Variants in DAB2IP observed in about 807,000 individuals in gnomAD.
DAB2IP encodes the protein DAB2 interacting protein.
A neutral mutation model predicts 107.2 loss-of-function variants in DAB2IP; 28 were observed. The ratio of observed to expected loss-of-function variants is 0.26; its 90% confidence interval spans 0.19 to 0.36. The LOEUF is 0.36. Ranked by LOEUF, DAB2IP falls within the 10% of genes least tolerant of loss-of-function variation. The pLI, the probability that DAB2IP is intolerant of heterozygous loss-of-function variation, is 1.00. For missense variants in DAB2IP, 1,400 were observed against 1,644.7 expected, an observed-to-expected ratio of 0.85 and a Z score of 2.57; for synonymous variants, 755 against 706.4, an observed-to-expected ratio of 1.07 and a Z score of -1.09.
chr9:121,695,499 G>T (rs1829374411), intron 2 of DAB2IP, among the ~76,000 whole-genome samples: 1 of 152,160 alleles, frequency 6.6e-6, no homozygotes, highest in African/African-American at 2.4e-5. Flanking sequence ...GTTCAGAGAG[G>T]TCCAGTAATC....
At chr9:121,567,377 T>G (rs1589363634) in intron 1 of DAB2IP, 1 of 1,184,252 alleles carries the variant, frequency 8.4e-7, no homozygotes, top group East Asian at 2.4e-5. Context: ...TGGGCATGGG[T>G]GCGTTGGGCT....
intron 3 of DAB2IP, among the ~76,000 whole-genome samples, chr9:121,752,312 A>AT (rs1241463693): frequency 6.7e-6 from 1 of 148,758 alleles, no homozygotes; most frequent in African/African-American, 2.6e-5. Context: ...AGGGAGGGCT[A>AT]TCCCTATCCC....
rs1328133511 is a variant in DAB2IP at position 121,633,582 on chromosome 9, G to A, written c.41-45096G>A. On this transcript the variant is annotated intron_variant, in intron 1 of 16. Coordinates refer to the DAB2IP transcript ENST00000259371. This position sits in a 1 kb window ranked among gnomAD's most constrained non-coding sequence, Gnocchi z 5.1. ...CTGGAATGGGCTGCTCTGGGAACTC[G>A]AGGAGACTCTTTTCATTAGGCTTTT... 1.3e-5 allele frequency among the ~76,000 whole-genome samples: 2 copies of A among 152,184 alleles called. No individual in the cohort carries two copies. Among genetic ancestry groups the A allele is most frequent in the East Asian group, 1.9e-4 (1 of 5,204 alleles).
At chr9:121,747,504 C>A (rs1832800482) in intron 3 of DAB2IP, among the ~76,000 whole-genome samples, 1 of 152,124 alleles carries the variant, frequency 6.6e-6, no homozygotes, top group African/African-American at 2.4e-5. Context: ...CCCGCCATCA[C>A]GCCCAGCTAA....
chr9:121,768,692 C>T (rs541878786), intron 10 of DAB2IP, 59 bp downstream of exon 10: 56 of 1,597,076 alleles, frequency 3.5e-5, no homozygotes, highest in Middle Eastern at 2.2e-4. Context: ...TTTTAGTGTT[C>T]CCCCTTCCAG....
intron 2 of DAB2IP, among the ~76,000 whole-genome samples, chr9:121,681,593 C>G (rs563883050): frequency 6.6e-6 from 1 of 152,240 alleles, no homozygotes; most frequent in Non-Finnish European, 1.5e-5. Context: ...ATTAGTGTGC[C>G]CATTTCACAG....
intron 1 of DAB2IP, among the ~76,000 whole-genome samples, chr9:121,676,739 A>C (rs1434232237): frequency 6.6e-6 from 1 of 152,182 alleles, no homozygotes; most frequent in African/African-American, 2.4e-5. Context: ...AAAGCGAGGC[A>C]AGAGCTGGAA....
intron 1 of DAB2IP, among the ~76,000 whole-genome samples, chr9:121,674,173 C>T (rs1344711143): frequency 3.3e-5 from 5 of 152,174 alleles, no homozygotes. Flanking sequence ...TGGGACCTTC[C>T]GTGGAGGAGG....
In DAB2IP at chr9:121,699,429, CG is replaced by C; in HGVS notation, c.334del (p.Ala112ProfsTer13). ...GCCACATCCTGCCGGGGTTCCGGAG[CG>C]CCGCCGCCGCCGCCGCGGACAATGA... is the stretch of plus-strand genomic sequence containing the variant. On this transcript the variant is annotated frameshift_variant, in exon 3 of 16. Coordinates refer to ENST00000408936, the Ensembl canonical transcript of DAB2IP. LOFTEE classifies it high-confidence loss of function. The surrounding 1 kb of genome is among the most constrained non-coding windows in gnomAD (Gnocchi z 6.2). 1 of 1,397,420 alleles carries C rather than the reference CG, an allele frequency of 7.2e-7. No individual in the cohort carries two copies. The allele number at this position is 1,397,420 out of a possible 1,614,324, so 86.6% of individuals were successfully genotyped here.
intron 1 of DAB2IP, among the ~76,000 whole-genome samples, chr9:121,605,473 A>G (rs1272158580): frequency 6.6e-6 from 1 of 152,150 alleles, no homozygotes; most frequent in Non-Finnish European, 1.5e-5. Context: ...AAATGAGAAT[A>G]GCCAAATTCA....
intron 4 of DAB2IP, among the ~76,000 whole-genome samples, chr9:121,758,230 TC>T (rs1025142792): frequency 3.3e-5 from 5 of 152,092 alleles, no homozygotes; most frequent in Non-Finnish European, 7.3e-5. Flanking sequence ...CCGGACTGGC[TC>T]CCTTACCTGG....
intron 3 of DAB2IP, among the ~76,000 whole-genome samples, chr9:121,730,351 T>C (rs1021331541): frequency 2.6e-5 from 4 of 152,238 alleles, no homozygotes; most frequent in Admixed American, 6.5e-5. Context: ...TGTGCTCAGC[T>C]GTTTTCCTGC....
chr9:121,658,799 TCA>T (rs1833076737), intron 1 of DAB2IP, among the ~76,000 whole-genome samples: 1 of 152,184 alleles, frequency 6.6e-6, no homozygotes, highest in South Asian at 2.1e-4. Flanking sequence ...GCGGCGGTGC[TCA>T]GTCTCCGAAT....
At chr9:121,704,384 A>AT (rs943665922) in intron 3 of DAB2IP, among the ~76,000 whole-genome samples, 30 of 152,230 alleles carry the variant, frequency 2.0e-4, no homozygotes, top group Admixed American at 1.5e-3. Flanking sequence ...GAAAAAGGGC[A>AT]TTTTTTTGTT....
At chr9:121,639,679 G>A (rs187702036) in intron 1 of DAB2IP, among the ~76,000 whole-genome samples, 1 of 152,154 alleles carries the variant, frequency 6.6e-6, no homozygotes, top group Non-Finnish European at 1.5e-5. Context: ...TCTGTACCAT[G>A]AGGTTTATAA....
intron 1 of DAB2IP, among the ~76,000 whole-genome samples, chr9:121,604,637 C>A (rs146802639): frequency 1.1e-4 from 16 of 152,326 alleles, no homozygotes; most frequent in Non-Finnish European, 2.1e-4. Flanking sequence ...CTGGGTGTAG[C>A]ACCAATTTCA....
rs117042609 is a variant in DAB2IP, at chr9:121,580,132, G to T, written c.40+12904G>T. Among the ~76,000 whole-genome samples the T allele has an allele frequency of 1.6e-4, 24 of 152,310 alleles. No homozygotes were observed. The East Asian group carries it at 4.4e-3, about 28-fold the overall frequency. On this transcript the variant is annotated intron_variant, in intron 1 of 16. Transcript: ENST00000259371. ...CACCAGGTGACTCTAAGGGGCAGCT[G>T]CTGGAATTGGAGGAGGATTGTTGGA...
At chr9:121,607,894 A>G (rs957469991) in intron 1 of DAB2IP, among the ~76,000 whole-genome samples, 1 of 152,230 alleles carries the variant, frequency 6.6e-6, no homozygotes, top group Non-Finnish European at 1.5e-5. Context: ...CTACCAGGCA[A>G]CGGCTGTTTG....
chr9:121,641,764 C>T (rs921648478), intron 1 of DAB2IP, among the ~76,000 whole-genome samples: 1 of 136,602 alleles, frequency 7.3e-6, no homozygotes, highest in African/African-American at 2.6e-5. Context: ...GTCCCACAGC[C>T]AGCCTGCCTG....
Sources: gnomAD v4.1 joint callset for allele counts (sites outside exome capture counted in the v4.1 genomes callset) on GRCh38, gnomAD v4.1.1 for gene constraint, Gnocchi (gnomAD v3.1) non-coding constraint, MANE v1.5 for transcripts, NCBI Gene and HGNC (gene_info 2026-07-23, HGNC 2026-07-21) for gene names.